TEC: variants seen among roughly 807,000 people sequenced by gnomAD.
TEC encodes the protein tyrosine-protein kinase Tec.
A neutral mutation model predicts 93.0 loss-of-function variants in TEC; 72 were observed. That is an observed-to-expected ratio of 0.77 (90% CI 0.64 to 0.94). TEC has a LOEUF of 0.94. Ranked by LOEUF, TEC falls within the 40% of genes least tolerant of loss-of-function variation. TEC has a pLI of 0.00. For synonymous variants in TEC, 249 were observed against 247.7 expected, an observed-to-expected ratio of 1.01 and a Z score of -0.05; for missense variants, 630 against 757.9, an observed-to-expected ratio of 0.83 and a Z score of 1.98.
At chr4:48,164,718 G>C (rs1720810971) in intron 7 of TEC, among the ~76,000 whole-genome samples, 1 of 152,066 alleles carries the variant, frequency 6.6e-6, no homozygotes, top group South Asian at 2.1e-4. Context: ...ATGTCAAATT[G>C]TGTCCAGGTG....
intron 14 of TEC, among the ~76,000 whole-genome samples, chr4:48,142,317 A>C (rs1258289350): frequency 6.6e-6 from 1 of 152,064 alleles, no homozygotes; most frequent in African/African-American, 2.4e-5. Context: ...CTAAAAATAC[A>C]AAAAAAATTA....
At chr4:48,192,306 A>G (rs911734374) in intron 2 of TEC, among the ~76,000 whole-genome samples, 6 of 152,216 alleles carry the variant, frequency 3.9e-5, no homozygotes, top group African/African-American at 1.2e-4. Flanking sequence ...AAACTAATCT[A>G]TCATGTCAAA....
At chr4:48,246,556 C>T in intron 1 of TEC, among the ~76,000 whole-genome samples, 1 of 151,266 alleles carries the variant, frequency 6.6e-6, no homozygotes, top group Non-Finnish European at 1.5e-5. Flanking sequence ...GTGTAGTACT[C>T]CATAAGGATA....
At chr4:48,255,486 A>C (rs916619907) in intron 1 of TEC, among the ~76,000 whole-genome samples, 2 of 152,212 alleles carry the variant, frequency 1.3e-5, no homozygotes, top group Non-Finnish European at 2.9e-5. Context: ...TGAATTGGAC[A>C]GAGTAGCTGC....
rs147756844 is a variant in TEC at position 48,245,687 on chromosome 4, C to T, written c.-45-17028G>A. Reference sequence around the variant, plus strand: ...AATTTTATAAATGAATAAATAAAAGCTAAGATAATATAGCCAAAATTATAA... The same window carrying T: ...AATTTTATAAATGAATAAATAAAAGTTAAGATAATATAGCCAAAATTATAA... On this transcript the variant is annotated intron_variant, in intron 1 of 17. Transcript: ENST00000381501. 5.9e-3 allele frequency among the ~76,000 whole-genome samples: 900 copies of T among 151,964 alleles called. 10 individuals carry two copies. The highest frequency in any genetic ancestry group is 0.021 in the African/African-American group (851 of 41,428).
chr4:48,225,719 T>C (rs1021864277), intron 2 of TEC, among the ~76,000 whole-genome samples: 2 of 151,798 alleles, frequency 1.3e-5, no homozygotes, highest in African/African-American at 4.9e-5. Context: ...TCTTTTTTTT[T>C]CTTTTTTTTT....
chr4:48,258,824 A>C (rs1161702259), intron 1 of TEC, among the ~76,000 whole-genome samples: 2 of 152,188 alleles, frequency 1.3e-5, no homozygotes, highest in African/African-American at 4.8e-5. Context: ...AATTTGTCTG[A>C]CATGGTTACC....
At chr4:48,232,310 C>A (rs1260459415) in intron 1 of TEC, among the ~76,000 whole-genome samples, 26 of 148,066 alleles carry the variant, frequency 1.8e-4, no homozygotes, top group African/African-American at 5.2e-4. Flanking sequence ...AAAAACAAAA[C>A]AAAAAAAAAA....
At chr4:48,172,458 G>A (rs1460775194) in intron 3 of TEC, among the ~76,000 whole-genome samples, 1 of 148,830 alleles carries the variant, frequency 6.7e-6, no homozygotes, top group African/African-American at 2.5e-5. Flanking sequence ...TCTTAGAGAT[G>A]GGGTCTTGCT....
At chr4:48,169,885 C>T (rs1369432188) in intron 5 of TEC, among the ~76,000 whole-genome samples, 2 of 152,120 alleles carry the variant, frequency 1.3e-5, no homozygotes, top group East Asian at 1.9e-4. Context: ...TGAGAACAGC[C>T]CTAATCAGAC....
chr4:48,188,503 G>A (rs559989306), intron 2 of TEC, among the ~76,000 whole-genome samples: 4 of 152,158 alleles, frequency 2.6e-5, no homozygotes, highest in South Asian at 2.1e-4. Context: ...CCAACAAGAA[G>A]AAGCAAACCT....
intron 1 of TEC, among the ~76,000 whole-genome samples, chr4:48,246,178 C>A (rs778931815): frequency 6.6e-6 from 1 of 151,676 alleles, no homozygotes; most frequent in African/African-American, 2.4e-5. Context: ...GAAATTGAGA[C>A]ATGTTTCAAT....
intron 2 of TEC, among the ~76,000 whole-genome samples, chr4:48,202,994 C>T (rs1409586348): frequency 6.6e-6 from 1 of 152,166 alleles, no homozygotes; most frequent in Non-Finnish European, 1.5e-5. Context: ...CTGAGGGAAC[C>T]AGCCAGACAA....
At chr4:48,239,727 A>AT (rs1018235583) in intron 1 of TEC, among the ~76,000 whole-genome samples, 4 of 151,582 alleles carry the variant, frequency 2.6e-5, no homozygotes, top group African/African-American at 4.8e-5. Flanking sequence ...AGTACATTCA[A>AT]TTTTTTTTTA....
chr4:48,244,221 G>T (rs1318447102), intron 1 of TEC, among the ~76,000 whole-genome samples: 1 of 152,138 alleles, frequency 6.6e-6, no homozygotes, highest in African/African-American at 2.4e-5. Context: ...CTATTTAAAA[G>T]AAACTAAAAC....
intron 1 of TEC, among the ~76,000 whole-genome samples, chr4:48,264,336 T>C (rs915063644): frequency 5.9e-5 from 9 of 152,198 alleles, no homozygotes; most frequent in Admixed American, 5.9e-4. Flanking sequence ...CTGCCCCTTC[T>C]CTACCCCAGC....
chr4:48,222,097 G>A (rs527809231), intron 2 of TEC, among the ~76,000 whole-genome samples: 1 of 152,274 alleles, frequency 6.6e-6, no homozygotes, highest in Admixed American at 6.5e-5. Context: ...GAAAAGATGA[G>A]TAAGTGTTCC....
At chr4:48,264,646 T>TC (rs1724585977) in intron 1 of TEC, among the ~76,000 whole-genome samples, 1 of 151,400 alleles carries the variant, frequency 6.6e-6, no homozygotes, top group Admixed American at 6.6e-5. Context: ...TCAGCATTTT[T>TC]TTTTTTTTTG....
chr4:48,228,672 A>C lies in TEC; in HGVS notation c.-45-13T>G. 4 of 1,554,898 alleles carry C rather than the reference A, an allele frequency of 2.6e-6. No individual in the cohort carries two copies. Among genetic ancestry groups the C allele is most frequent in the South Asian group, 2.4e-5 (2 of 81,652 alleles). ...AGATCCCAGTATTCTACAGTGAAAA[A>C]AGAAACAGTTAAAATGTGACAGTTT... On this transcript the variant is annotated splice_polypyrimidine_tract_variant and intron_variant, in intron 1 of 17. Transcript: ENST00000381501.
Sources: gnomAD v4.1 joint callset for allele counts (sites outside exome capture counted in the v4.1 genomes callset) on GRCh38, gnomAD v4.1.1 for gene constraint, MANE v1.5 for transcripts, NCBI Gene and HGNC (gene_info 2026-07-23, HGNC 2026-07-21) for gene names.